Variants in RASGRF2 observed in about 807,000 individuals in gnomAD.
RASGRF2 encodes the protein ras-specific guanine nucleotide-releasing factor 2.
In RASGRF2, 76 loss-of-function variants were observed where a neutral mutation model predicts 151.0. The ratio of observed to expected loss-of-function variants is 0.50; its 90% CI spans 0.42 to 0.61. The LOEUF is 0.61. Ranked by LOEUF, RASGRF2 falls within the 20% of genes least tolerant of loss-of-function variation. The pLI is 0.00. For missense variants in RASGRF2, 1,148 were observed against 1,564.6 expected (o/e 0.73, Z 4.49); for synonymous variants, 504 against 566.5 (o/e 0.89, Z 1.57).
chr5:81,201,172 T>C (rs554789685), intron 18 of RASGRF2, among the ~76,000 whole-genome samples, 158 bp from the exon 19 acceptor site: 4 of 152,250 alleles, frequency 2.6e-5, no homozygotes, highest in Admixed American at 2.0e-4. Flanking sequence ...TCCTAACCAA[T>C]TAAATCGGGA....
At chr5:81,225,635 T>C (rs760722476) in intron 26 of RASGRF2, 43 bp from the exon 27 acceptor site, 9 of 1,605,170 alleles carry the variant, frequency 5.6e-6, no homozygotes, top group South Asian at 1.1e-5. Flanking sequence ...TACGCACTGG[T>C]GTCTGAAAGA....
At chr5:81,072,355 A>G (rs566738077) in intron 4 of RASGRF2, among the ~76,000 whole-genome samples, 166 of 152,352 alleles carry the variant, frequency 1.1e-3, no homozygotes, top group African/African-American at 3.7e-3. Flanking sequence ...GTAGGCAGGC[A>G]AGAGAATTTT....
At chr5:81,206,001 C>G (rs1755497593) in intron 19 of RASGRF2, among the ~76,000 whole-genome samples, 1 of 152,042 alleles carries the variant, frequency 6.6e-6, no homozygotes, top group Non-Finnish European at 1.5e-5. Context: ...TGCCCTCCTA[C>G]TATTTTAATG....
chr5:81,049,436 A>G (rs1301573054), intron 2 of RASGRF2, among the ~76,000 whole-genome samples: 1 of 152,098 alleles, frequency 6.6e-6, no homozygotes, highest in East Asian at 1.9e-4. Context: ...TAGGGATCTA[A>G]GTCTTATCTC....
chr5:81,074,022 G>GGGA (rs1212412305), intron 5 of RASGRF2, among the ~76,000 whole-genome samples: 1 of 152,144 alleles, frequency 6.6e-6, no homozygotes, highest in Non-Finnish European at 1.5e-5. Context: ...ATGTGTGTTG[G>GGGA]GGAATATAAT....
At chr5:81,160,912 T>C (rs888445296) in intron 17 of RASGRF2, among the ~76,000 whole-genome samples, 2 of 152,072 alleles carry the variant, frequency 1.3e-5, no homozygotes, top group African/African-American at 4.8e-5. Flanking sequence ...TGAAGCAAGC[T>C]TTGTAACATC....
At chr5:81,074,813 G>T (rs866018007) in intron 5 of RASGRF2, among the ~76,000 whole-genome samples, 4 of 152,182 alleles carry the variant, frequency 2.6e-5, no homozygotes, top group Admixed American at 6.5e-5. Flanking sequence ...GAGGAAGAGT[G>T]AGGCAAGCAG....
At chr5:81,196,732 T>C (rs115855296) in intron 18 of RASGRF2, among the ~76,000 whole-genome samples, 2,704 of 151,432 alleles carry the variant, frequency 0.018, 65 homozygotes, top group African/African-American at 0.062. Context: ...CCTGATATCC[T>C]TCACACTAAT....
chr5:81,061,059 T>G (rs918501395), intron 2 of RASGRF2, among the ~76,000 whole-genome samples: 1 of 151,132 alleles, frequency 6.6e-6, no homozygotes, highest in Non-Finnish European at 1.5e-5. Context: ...TTTTTTTTTC[T>G]GTTTATTTAT....
At chr5:81,055,623 A>T (rs1014089337) in intron 2 of RASGRF2, among the ~76,000 whole-genome samples, 3 of 152,206 alleles carry the variant, frequency 2.0e-5, no homozygotes, top group African/African-American at 7.2e-5. Flanking sequence ...AGGCTTTGGT[A>T]TCAGGATGAC....
intron 17 of RASGRF2, among the ~76,000 whole-genome samples, chr5:81,149,823 C>T (rs1017458577): frequency 1.3e-5 from 2 of 152,098 alleles, no homozygotes; most frequent in Admixed American, 1.3e-4. Context: ...CCTAGCATTG[C>T]CCTGCCATCT....
intron 2 of RASGRF2, among the ~76,000 whole-genome samples, chr5:81,044,728 A>C (rs1750783236): frequency 6.6e-6 from 1 of 152,212 alleles, no homozygotes; most frequent in African/African-American, 2.4e-5. Flanking sequence ...TAAGCTGCAG[A>C]TCTGGGATTC....
chr5:81,000,051 G>A (rs986721115), intron 1 of RASGRF2, among the ~76,000 whole-genome samples: 2 of 152,138 alleles, frequency 1.3e-5, no homozygotes, highest in African/African-American at 4.8e-5. Flanking sequence ...TAGCTCGACT[G>A]GGAATGGCCA....
intron 1 of RASGRF2, among the ~76,000 whole-genome samples, chr5:80,976,947 C>T (rs902298024): frequency 1.3e-5 from 2 of 152,130 alleles, no homozygotes; most frequent in Admixed American, 1.3e-4. Context: ...TCACTGTGTG[C>T]GTAATTAAAT....
intron 7 of RASGRF2, among the ~76,000 whole-genome samples, chr5:81,083,618 G>T (rs987942884): frequency 6.6e-6 from 1 of 152,146 alleles, no homozygotes; most frequent in African/African-American, 2.4e-5. Flanking sequence ...CAAGAAATTT[G>T]TTATGGAAAA....
chr5:81,172,588 C>T lies in RASGRF2; in HGVS notation c.2687-7587C>T, dbSNP rs1158647664. The stretch of plus-strand genomic sequence containing the variant: ...TTATAGAAAGGTAAAAACAGACAAG[C>T]AAATCCACTCTGAGGCATATTTGTT... On this transcript the variant is annotated intron_variant, in intron 17 of 26. Transcript: ENST00000265080. 2.6e-5 allele frequency among the ~76,000 whole-genome samples: 4 copies of T among 152,080 alleles called. No individual in the cohort carries two copies. In the East Asian group the frequency reaches 7.7e-4, roughly 29 times the overall value.
chr5:81,201,102 T>C (rs1389849909), intron 18 of RASGRF2, among the ~76,000 whole-genome samples: 1 of 151,998 alleles, frequency 6.6e-6, no homozygotes, highest in Non-Finnish European at 1.5e-5. Context: ...GACTGCACAT[T>C]TGCACCCCCT....
At chr5:81,072,694 GA>G (rs1357397697) in intron 4 of RASGRF2, among the ~76,000 whole-genome samples, 1 of 151,908 alleles carries the variant, frequency 6.6e-6, no homozygotes, top group African/African-American at 2.4e-5. Flanking sequence ...TAAAAACAGA[GA>G]AAAAAACAAA....
chr5:81,097,239 G>A (rs377283575), intron 12 of RASGRF2, among the ~76,000 whole-genome samples: 22 of 152,144 alleles, frequency 1.4e-4, no homozygotes, highest in African/African-American at 4.3e-4. Context: ...GGGATTACAC[G>A]CGTGAGCCAC....
Sources: gnomAD v4.1 joint callset for allele counts (sites outside exome capture counted in the v4.1 genomes callset) on GRCh38, gnomAD v4.1.1 for gene constraint, MANE v1.5 for transcripts, NCBI Gene and HGNC (gene_info 2026-07-23, HGNC 2026-07-21) for gene names.